OGN: variants seen among roughly 807,000 people sequenced by gnomAD.
OGN encodes the protein osteoglycin.
OGN carries 19 observed loss-of-function variants against 30.8 expected under a neutral mutation model. That is an observed-to-expected ratio of 0.62 (90% CI 0.43 to 0.90). The LOEUF (loss-of-function observed/expected upper bound fraction) is 0.90. OGN is among the 40% of genes least tolerant of loss of function. The probability of loss-of-function intolerance (pLI) is 0.00; values close to 1 mark genes in which losing one functional copy is unlikely to be tolerated. For missense variants in OGN, 283 were observed against 349.7 expected (o/e 0.81, Z 1.52); for synonymous variants, 126 against 128.3 (o/e 0.98, Z 0.12).
intron 3 of OGN, among the ~76,000 whole-genome samples, chr9:92,398,993 G>A (rs767943414): frequency 1.5e-4 from 23 of 152,074 alleles, no homozygotes; most frequent in African/African-American, 2.4e-4. Flanking sequence ...CCCAAATGGC[G>A]GAGGTTGCAG....
rs1842407672 is a variant in OGN at position 92,386,069 on chromosome 9, A to C, written c.726+132T>G. 7.3e-6 allele frequency: 5 copies of C among 687,420 alleles called. No homozygotes were observed. In the East Asian group the frequency reaches 1.3e-4, roughly 18 times the overall value. The allele number at this position is 687,420 out of a possible 1,614,324, so 42.6% of individuals were successfully genotyped here. A position where few individuals can be genotyped will look rare whatever the true frequency, so the allele number is the denominator to read the frequency against. On this transcript the variant is annotated intron_variant, in intron 6 of 6. Coordinates refer to ENST00000375561, the MANE Select transcript of OGN (RefSeq NM_014057.5). ...CCTAGTATTAATCTTTTTGATAGGC[A>C]GACATTTAGCTATCACGCTACTACA...
chr9:92,400,091 A>G (rs1002743374), intron 3 of OGN, among the ~76,000 whole-genome samples: 9 of 152,198 alleles, frequency 5.9e-5, no homozygotes, highest in Non-Finnish European at 8.8e-5. Context: ...GAAAGAACTG[A>G]CATCTTTATG....
At chr9:92,387,622 C>T (rs1044968177) in intron 5 of OGN, among the ~76,000 whole-genome samples, 1 of 152,122 alleles carries the variant, frequency 6.6e-6, no homozygotes, top group Non-Finnish European at 1.5e-5. Context: ...TTCTTAAGCA[C>T]CCTACCCTTC....
intron 5 of OGN, among the ~76,000 whole-genome samples, chr9:92,388,646 G>A (rs1328578603): frequency 6.6e-6 from 1 of 151,466 alleles, no homozygotes. Flanking sequence ...TTCAAGACCA[G>A]CCTGGCCAAC....
intron 2 of OGN, 32 bp from the exon 3 acceptor site, chr9:92,401,217 T>C (rs1193321879): frequency 8.5e-6 from 8 of 936,122 alleles, no homozygotes; most frequent in Non-Finnish European, 1.4e-5. Flanking sequence ...GTTACCTAGC[T>C]TCATTAAGTC....
chr9:92,398,926 G>C (rs1842997374), intron 3 of OGN, among the ~76,000 whole-genome samples: 1 of 152,046 alleles, frequency 6.6e-6, no homozygotes, highest in South Asian at 2.1e-4. Context: ...GCCTGGCGTG[G>C]TGGCGCGTGC....
rs745832224 is a variant in OGN at position 92,386,307 on chromosome 9, A to G, written c.631-11T>C. 8 of 1,569,294 alleles carry G rather than the reference A, an allele frequency of 5.1e-6. No homozygotes were observed. Among genetic ancestry groups the G allele is most frequent in the Non-Finnish European group, 6.1e-6 (7 of 1,139,606 alleles). On this transcript the variant is annotated splice_polypyrimidine_tract_variant and intron_variant, in intron 5 of 6. Transcript: ENST00000375561. ...GAGGTTATTCAGTTTCTGTAAGGAAAATTTCATGTGAGTGTTATTGAGGTT... is the reference window on the plus strand; with the variant it reads ...GAGGTTATTCAGTTTCTGTAAGGAAGATTTCATGTGAGTGTTATTGAGGTT...
chr9:92,390,177 G>A, intron 4 of OGN, 121 bp from the exon 5 acceptor site: 1 of 613,672 alleles, frequency 1.6e-6, no homozygotes, highest in South Asian at 2.2e-5. Context: ...CTGGTAGACT[G>A]TTTACAATTC....
At chr9:92,401,285 G>T in intron 2 of OGN, 100 bp from the exon 3 acceptor site, 1 of 600,764 alleles carries the variant, frequency 1.7e-6, no homozygotes. Flanking sequence ...ACAATTAGTG[G>T]CATTTCCTTT....
intron 4 of OGN, among the ~76,000 whole-genome samples, chr9:92,390,874 A>G (rs1486158576): frequency 6.6e-6 from 1 of 152,032 alleles, no homozygotes; most frequent in Non-Finnish European, 1.5e-5. Context: ...GCCTGAACAA[A>G]CCTTATCTAA....
In OGN at chr9:92,386,170, G is replaced by C. The variant is rs1463437422; in HGVS notation, c.726+31C>G. 4 of 1,455,264 alleles carry C rather than the reference G, an allele frequency of 2.7e-6. No individual in the cohort carries two copies. In the African/African-American group the frequency reaches 5.6e-5, roughly 20 times the overall value. 90.1% of individuals were successfully genotyped at this position (1,455,264 alleles called of 1,614,324 possible). ...CAAGATTTTGACTCATAGGTAATTA[G>C]AGTCAGATATTGTGAAAGGAACTAT... On this transcript the variant is annotated intron_variant, in intron 6 of 6. Coordinates refer to ENST00000375561, the MANE Select transcript of OGN (RefSeq NM_014057.5).
chr9:92,385,992 T>G (rs1408502515), intron 6 of OGN, among the ~76,000 whole-genome samples: 1 of 152,232 alleles, frequency 6.6e-6, no homozygotes, highest in Admixed American at 6.5e-5. Context: ...TGTGCTGGTC[T>G]ACTTGTTATG....
At chr9:92,387,447 G>A (rs1842481622) in intron 5 of OGN, among the ~76,000 whole-genome samples, 1 of 151,612 alleles carries the variant, frequency 6.6e-6, no homozygotes, top group South Asian at 2.1e-4. Flanking sequence ...TTAGCTTGAT[G>A]CAGGTTTTTT....
intron 2 of OGN, 71 bp from the exon 3 acceptor site, chr9:92,401,256 C>A: frequency 1.4e-6 from 1 of 719,254 alleles, no homozygotes; most frequent in Non-Finnish European, 2.5e-6. Flanking sequence ...GAAGGGATCA[C>A]AGACACCTTC....
chr9:92,385,778 C>G lies in OGN; in HGVS notation c.739G>C (p.Ala247Pro). ...RVIHLQFNNI[A>P]SITDDTFCKA... is the part of the protein sequence containing the mutation. ...CAGAATGTGTCATCTGTAATTGAAG[C>G]TATGTTGTTGAACTGAAAAAAAACG... Residue 247 changes from alanine to proline, a missense_variant, in exon 7 of 7, where the codon GCT becomes CCT. Ala to Pro is a conservative substitution (Grantham distance 27). Transcript: ENST00000375561. 1 of 1,613,880 alleles carries G rather than the reference C, an allele frequency of 6.2e-7. No individual in the cohort carries two copies. The highest frequency in any genetic ancestry group is 1.3e-5 in the African/African-American group (1 of 74,984).
rs182725787 is a variant in OGN, at chr9:92,383,389, T to C, written c.*2231A>G. Among the ~76,000 whole-genome samples, 9 of 152,342 alleles carry C rather than the reference T, an allele frequency of 5.9e-5. No individual in the cohort carries two copies. Among genetic ancestry groups the C allele is most frequent in the Admixed American group, 1.3e-4 (2 of 15,300 alleles). Reference sequence around the variant, plus strand: ...TCAGTCTGCATATCATATTGGATAGTATTGTTGTCTTAACAACATTAAATC... The same window carrying C: ...TCAGTCTGCATATCATATTGGATAGCATTGTTGTCTTAACAACATTAAATC... On this transcript the variant is annotated 3_prime_UTR_variant, in exon 7 of 7. Coordinates refer to ENST00000375561, the MANE Select transcript of OGN (RefSeq NM_014057.5).
intron 2 of OGN, among the ~76,000 whole-genome samples, chr9:92,402,603 T>G (rs1843162549): frequency 6.6e-6 from 1 of 152,202 alleles, no homozygotes; most frequent in African/African-American, 2.4e-5. Context: ...ATGAATGATG[T>G]GGTATAACGT....
chr9:92,392,373 C>T (rs1246760089), intron 4 of OGN, among the ~76,000 whole-genome samples: 1 of 152,134 alleles, frequency 6.6e-6, no homozygotes, highest in Non-Finnish European at 1.5e-5. Flanking sequence ...CCTGTATTCC[C>T]AGCACTTTGG....
At chr9:92,385,914 A>T (rs955673332) in intron 6 of OGN, 124 bp from the exon 7 acceptor site, 21 of 854,568 alleles carry the variant, frequency 2.5e-5, no homozygotes, top group Non-Finnish European at 7.4e-6. Context: ...CCTTGTGTCA[A>T]ATTAATTAGG....
Sources: allele counts gnomAD v4.1 joint callset (sites outside exome capture counted in the v4.1 genomes callset), GRCh38; gene constraint gnomAD v4.1.1; transcripts MANE v1.5; gene names NCBI Gene and HGNC (gene_info 2026-07-23, HGNC 2026-07-21).